SIPA1L1: variants seen among roughly 807,000 people sequenced by gnomAD.
The protein encoded by SIPA1L1 is signal-induced proliferation-associated 1-like protein 1.
Under a neutral mutation model 162.7 loss-of-function variants are expected in SIPA1L1, and 26 were observed. The observed-to-expected ratio is 0.16, with a 90% confidence interval of 0.12 to 0.22. The LOEUF (loss-of-function observed/expected upper bound fraction) is 0.22. Among genes scored for constraint, SIPA1L1 ranks in the 10% least tolerant of loss-of-function variants. The pLI is 1.00. For synonymous variants in SIPA1L1, 829 were observed against 837.4 expected, an observed-to-expected ratio of 0.99 and a Z score of 0.17; for missense variants, 1,874 against 2,241.0, an observed-to-expected ratio of 0.84 and a Z score of 3.31.
intron 2 of SIPA1L1, among the ~76,000 whole-genome samples, chr14:71,511,633 G>A (rs1350259369): frequency 1.3e-5 from 2 of 152,124 alleles, no homozygotes; most frequent in African/African-American, 4.8e-5. Flanking sequence ...CTTGGTTCCT[G>A]ACACAAGAGC....
intron 2 of SIPA1L1, among the ~76,000 whole-genome samples, chr14:71,331,145 G>A (rs2034489630): frequency 6.6e-6 from 1 of 152,094 alleles, no homozygotes; most frequent in Admixed American, 6.5e-5. Flanking sequence ...AACACCATTT[G>A]TTGAGAAGAC....
At chr14:71,489,387 G>A (rs1302236770) in intron 2 of SIPA1L1, among the ~76,000 whole-genome samples, 4 of 152,148 alleles carry the variant, frequency 2.6e-5, no homozygotes, top group Non-Finnish European at 2.9e-5. Context: ...CAGGAAATTC[G>A]TGAGAAGATG....
chr14:71,330,082 AG>A (rs142896894), intron 2 of SIPA1L1, among the ~76,000 whole-genome samples: 2,620 of 152,322 alleles, frequency 0.017, 71 homozygotes, highest in African/African-American at 0.06. Context: ...AATAAATGTC[AG>A]TTGTCTTTCC....
At chr14:71,698,906 ATAT>A in intron 13 of SIPA1L1, 72 bp from the exon 14 acceptor site, 3 of 1,475,642 alleles carry the variant, frequency 2.0e-6, no homozygotes, top group Non-Finnish European at 2.8e-6. Context: ...CATTTATATG[ATAT>A]TATCCATCAT....
rs183680783 is a variant in SIPA1L1, at chr14:71,549,320, T to C, written c.-303+19950T>C. Among the ~76,000 whole-genome samples, 14 of 152,284 alleles carry C rather than the reference T, an allele frequency of 9.2e-5. No homozygotes were observed. The East Asian group carries it at 2.7e-3, about 29-fold the overall frequency. On this transcript the variant is annotated intron_variant, in intron 4 of 23. Transcript: ENST00000381232. ...CTAGGGAAGAGACTACCTTTTTTTT[T>C]TTCTTTTTTAAATGCCGAGATTTCT...
In SIPA1L1 at chr14:71,402,909, T is replaced by C. The variant is rs985537808; in HGVS notation, c.-465+81728T>C. Among the ~76,000 whole-genome samples, 12 of 152,312 alleles carry C rather than the reference T, an allele frequency of 7.9e-5. No homozygotes were observed. In the East Asian group the frequency reaches 1.5e-3, roughly 20 times the overall value. On this transcript the variant is annotated intron_variant, in intron 2 of 23. Transcript: ENST00000381232. ...ACTATTATAATAGTATTTGTGGTTA[T>C]TGAGGACTGTGTGAACAGTTTTATA...
In SIPA1L1 at chr14:71,699,098, C is replaced by T. The variant is rs775161311; in HGVS notation, c.3492C>T (p.Gly1164=). The T allele has an allele frequency of 6.8e-6, 11 of 1,614,000 alleles. No individual in the cohort carries two copies. Among genetic ancestry groups the T allele is most frequent in the Middle Eastern group, 1.6e-4 (1 of 6,084 alleles). The change falls in exon 14 of 24, where the codon GGC becomes GGT. Residue 1164 remains glycine (G), a synonymous_variant. Transcript: ENST00000381232. ...SSSSDTGSVG[G]TYRQKSMPEG... is the part of the protein sequence containing the mutation. The stretch of plus-strand genomic sequence containing the variant: ...CCAGTGATACTGGTTCTGTGGGGGG[C>T]ACTTACAGGCAGAAGTCCATGCCCG...
At chr14:71,504,079 A>G (rs1280655026) in intron 2 of SIPA1L1, 2 of 152,280 alleles carry the variant, frequency 1.3e-5, no homozygotes, top group East Asian at 3.9e-4. Context: ...TGCTGGGATT[A>G]CAGGTATGAG....
chr14:71,367,439 TG>T (rs1013935618), intron 2 of SIPA1L1, among the ~76,000 whole-genome samples: 1 of 151,764 alleles, frequency 6.6e-6, no homozygotes, highest in African/African-American at 2.4e-5. Flanking sequence ...CTCTAGTAGC[TG>T]GGACTACAGG....
intron 12 of SIPA1L1, among the ~76,000 whole-genome samples, chr14:71,674,016 GTC>G (rs2044808674): frequency 6.6e-6 from 1 of 152,170 alleles, no homozygotes; most frequent in South Asian, 2.1e-4. Context: ...TCCTTGTCTT[GTC>G]TCTTTCTCTG....
intron 4 of SIPA1L1, among the ~76,000 whole-genome samples, chr14:71,571,947 T>G (rs1474598844): frequency 6.6e-6 from 1 of 151,978 alleles, no homozygotes; most frequent in Non-Finnish European, 1.5e-5. Flanking sequence ...CCACCGTGCC[T>G]GGCCTGGATA....
intron 2 of SIPA1L1, among the ~76,000 whole-genome samples, chr14:71,333,288 A>G (rs1468361061): frequency 6.6e-6 from 1 of 152,186 alleles, no homozygotes; most frequent in African/African-American, 2.4e-5. Context: ...TGGTAACATC[A>G]TGTCACTGAA....
intron 5 of SIPA1L1, among the ~76,000 whole-genome samples, chr14:71,607,740 A>C (rs1019627842): frequency 6.6e-6 from 1 of 152,172 alleles, no homozygotes; most frequent in African/African-American, 2.4e-5. Flanking sequence ...TCTTTAATTA[A>C]AAAGTGCCCA....
chr14:71,583,076 T>C (rs1294044472), intron 4 of SIPA1L1, among the ~76,000 whole-genome samples: 2 of 152,256 alleles, frequency 1.3e-5, no homozygotes, highest in Non-Finnish European at 1.5e-5. Context: ...TGTTTTTAAA[T>C]AGTGTTTTAT....
chr14:71,709,587 C>T lies in SIPA1L1; in HGVS notation c.4131C>T (p.Ser1377=). Reference sequence around the variant, plus strand: ...CTTCCCTGAGCTTAGACATACACAGCAAGAGCCAAGCCGGCTCGACCCCTC... The same window carrying T: ...CTTCCCTGAGCTTAGACATACACAGTAAGAGCCAAGCCGGCTCGACCCCTC... The part of the protein sequence containing the change: ...TESSLSLDIH[S]KSQAGSTPLT... The change falls in exon 17 of 24, where the codon AGC becomes AGT. Residue 1377 remains serine (S), a synonymous_variant. Coordinates refer to ENST00000381232, the MANE Select transcript of SIPA1L1 (RefSeq NM_001386936.1). 6.2e-7 allele frequency: 1 copy of T among 1,614,192 alleles called. No individual in the cohort carries two copies. The highest frequency in any genetic ancestry group is 8.5e-7 in the Non-Finnish European group (1 of 1,180,036).
chr14:71,698,524 T>C (rs1253910718), intron 13 of SIPA1L1, among the ~76,000 whole-genome samples: 1 of 152,184 alleles, frequency 6.6e-6, no homozygotes, highest in Admixed American at 6.5e-5. Flanking sequence ...TTCCAGAGTG[T>C]GAATAATAAA....
chr14:71,506,688 GT>G lies in SIPA1L1; in HGVS notation c.-464-6054del, dbSNP rs368212042. Among the ~76,000 whole-genome samples, 49 of 151,888 alleles carry G rather than the reference GT, an allele frequency of 3.2e-4. No individual in the cohort carries two copies. The East Asian group carries it at 7.7e-3, about 24-fold the overall frequency. ...CTAATTTAGTAGTTGTACAATGATGGTACTTCATTTTTGCTTTAATGTTTAT... is the reference window on the plus strand; with the variant it reads ...CTAATTTAGTAGTTGTACAATGATGGACTTCATTTTTGCTTTAATGTTTAT... On this transcript the variant is annotated intron_variant, in intron 2 of 23. Transcript: ENST00000381232.
At chr14:71,553,883 A>G (rs192192551) in intron 4 of SIPA1L1, among the ~76,000 whole-genome samples, 92 of 152,304 alleles carry the variant, frequency 6.0e-4, no homozygotes, top group African/African-American at 2.2e-3. Flanking sequence ...AGACCTTAGC[A>G]TAGTGTTTTG....
At chr14:71,457,946 T>A (rs1212362616) in intron 2 of SIPA1L1, among the ~76,000 whole-genome samples, 1 of 152,158 alleles carries the variant, frequency 6.6e-6, no homozygotes, top group Non-Finnish European at 1.5e-5. Context: ...TAGATTCCAG[T>A]TCTTTTTTTG....
Sources: allele counts gnomAD v4.1 joint callset (sites outside exome capture counted in the v4.1 genomes callset), GRCh38; gene constraint gnomAD v4.1.1; transcripts MANE v1.5; gene names NCBI Gene and HGNC (gene_info 2026-07-23, HGNC 2026-07-21).